Variants in METTL24 observed in about 807,000 individuals in gnomAD.
METTL24 encodes the protein methyltransferase like 24.
Under a neutral mutation model 32.7 loss-of-function variants are expected in METTL24, and 29 were observed. The ratio of observed to expected loss-of-function variants is 0.89; its 90% CI spans 0.66 to 1.21. METTL24 has a LOEUF of 1.21. METTL24 is among the 50% of genes most tolerant of loss of function. The pLI is 0.00. For synonymous variants in METTL24, 163 were observed against 179.5 expected, an observed-to-expected ratio of 0.91 and a Z score of 0.73; for missense variants, 439 against 468.1, an observed-to-expected ratio of 0.94 and a Z score of 0.57.
At chr6:110,294,232 G>A (rs944043636) in intron 4 of METTL24, among the ~76,000 whole-genome samples, 7 of 151,892 alleles carry the variant, frequency 4.6e-5, no homozygotes, top group African/African-American at 1.7e-4. Context: ...TGAAAAATAT[G>A]TGACGGTTCA....
chr6:110,311,326 T>C (rs568815557), intron 3 of METTL24, among the ~76,000 whole-genome samples: 22 of 152,232 alleles, frequency 1.4e-4, no homozygotes, highest in East Asian at 1.3e-3. Context: ...GTCAGAAATA[T>C]CTTCTTTAGT....
At chr6:110,288,474 TAACA>T (rs1449052123) in intron 4 of METTL24, among the ~76,000 whole-genome samples, 3 of 137,650 alleles carry the variant, frequency 2.2e-5, no homozygotes, top group East Asian at 3.8e-4. Flanking sequence ...TTTAAAAATG[TAACA>T]AACAAACCTA....
intron 2 of METTL24, among the ~76,000 whole-genome samples, chr6:110,317,909 A>G (rs2114749787): frequency 6.6e-6 from 1 of 152,266 alleles, no homozygotes; most frequent in East Asian, 1.9e-4. Context: ...AAGCTCCCCC[A>G]GGTGATTTTT....
chr6:110,318,763 A>G (rs188584528), intron 2 of METTL24, among the ~76,000 whole-genome samples: 199 of 152,306 alleles, frequency 1.3e-3, no homozygotes, highest in African/African-American at 4.7e-3. Context: ...TAGCTTTTGT[A>G]AACAACTGAA....
At chr6:110,258,332 T>C (rs59987321) in intron 4 of METTL24, among the ~76,000 whole-genome samples, 10,888 of 152,216 alleles carry the variant, frequency 0.072, 578 homozygotes, top group African/African-American at 0.16. Flanking sequence ...TCTATATAAG[T>C]ACATTAGCAG....
intron 4 of METTL24, among the ~76,000 whole-genome samples, chr6:110,277,143 G>A (rs746515321): frequency 3.2e-4 from 48 of 152,268 alleles, no homozygotes; most frequent in Non-Finnish European, 5.7e-4. Flanking sequence ...AGCCCAGAGC[G>A]CTTTTCTTCG....
intron 1 of METTL24, among the ~76,000 whole-genome samples, chr6:110,330,296 G>A (rs1772090784): frequency 6.6e-6 from 1 of 152,216 alleles, no homozygotes; most frequent in South Asian, 2.1e-4. Context: ...GGACCCCAGA[G>A]AGTGGGGTGA....
intron 4 of METTL24, among the ~76,000 whole-genome samples, chr6:110,291,948 G>A (rs752018403): frequency 8.5e-5 from 13 of 152,160 alleles, no homozygotes; most frequent in South Asian, 2.1e-4. Flanking sequence ...ATCAAGTAGC[G>A]TAAGCCTCTA....
At chr6:110,252,294 C>T (rs745350597) in intron 4 of METTL24, among the ~76,000 whole-genome samples, 6 of 152,222 alleles carry the variant, frequency 3.9e-5, no homozygotes, top group East Asian at 3.9e-4. Flanking sequence ...CCAAGATCAA[C>T]GTGTCAGCAG....
intron 3 of METTL24, among the ~76,000 whole-genome samples, chr6:110,308,836 C>G (rs1227791731): frequency 1.3e-5 from 2 of 152,090 alleles, no homozygotes; most frequent in East Asian, 3.9e-4. Context: ...CTAAGTGAAA[C>G]AAGCCAGTCA....
intron 4 of METTL24, among the ~76,000 whole-genome samples, chr6:110,267,415 C>T (rs186321356): frequency 1.3e-5 from 2 of 152,246 alleles, no homozygotes; most frequent in African/African-American, 2.4e-5. Context: ...ATCACTCATA[C>T]GATAACCAAA....
At chr6:110,277,290 A>G (rs1317407249) in intron 4 of METTL24, among the ~76,000 whole-genome samples, 3 of 152,180 alleles carry the variant, frequency 2.0e-5, no homozygotes, top group African/African-American at 7.2e-5. Context: ...GCTGAGATCA[A>G]AGGAGGGAGA....
At chr6:110,267,057 T>A (rs1306921793) in intron 4 of METTL24, among the ~76,000 whole-genome samples, 1 of 151,840 alleles carries the variant, frequency 6.6e-6, no homozygotes, top group Non-Finnish European at 1.5e-5. Flanking sequence ...TAAAAAAAAA[T>A]ACAAAATTAT....
intron 4 of METTL24, among the ~76,000 whole-genome samples, chr6:110,253,203 A>G (rs1013276714): frequency 2.0e-5 from 3 of 152,192 alleles, no homozygotes; most frequent in African/African-American, 7.2e-5. Flanking sequence ...CAGAGAGACC[A>G]ATAAAGAGGT....
intron 3 of METTL24, among the ~76,000 whole-genome samples, chr6:110,303,013 C>T (rs767395541): frequency 5.3e-5 from 8 of 151,998 alleles, no homozygotes; most frequent in Non-Finnish European, 7.4e-5. Context: ...CCACAGAGGG[C>T]GAGCAGAAGT....
chr6:110,269,022 T>C (rs905162178), intron 4 of METTL24, among the ~76,000 whole-genome samples: 2 of 151,996 alleles, frequency 1.3e-5, no homozygotes, highest in Non-Finnish European at 2.9e-5. Context: ...AAAGAAAAAA[T>C]TATTTGAGAC....
At chr6:110,263,376 T>A (rs1287156394) in intron 4 of METTL24, among the ~76,000 whole-genome samples, 1 of 152,048 alleles carries the variant, frequency 6.6e-6, no homozygotes, top group Admixed American at 6.6e-5. Flanking sequence ...CACAATTGCT[T>A]CAAAGAGAAT....
At chr6:110,332,708 G>C (rs138146676) in intron 1 of METTL24, among the ~76,000 whole-genome samples, 4 of 152,190 alleles carry the variant, frequency 2.6e-5, no homozygotes, top group African/African-American at 9.6e-5. Context: ...AGGAGTTCAA[G>C]ACCAGCCTGG....
chr6:110,295,840 A>AGGTT (rs1554213763), intron 4 of METTL24, among the ~76,000 whole-genome samples: 1 of 147,228 alleles, frequency 6.8e-6, no homozygotes, highest in Non-Finnish European at 1.5e-5. Flanking sequence ...GAAGGAAGGA[A>AGGTT]GGTTCTCTAT....
Sources: gnomAD v4.1 joint callset for allele counts (sites outside exome capture counted in the v4.1 genomes callset) on GRCh38, gnomAD v4.1.1 for gene constraint, MANE v1.5 for transcripts, NCBI Gene and HGNC (gene_info 2026-07-23, HGNC 2026-07-21) for gene names.